The following CDH13 variants were observed in gnomAD, a reference collection of about 807,000 sequenced individuals.
CDH13 encodes the protein cadherin 13, also known as cadherin-13.
In CDH13, 24 loss-of-function variants were observed where a neutral mutation model predicts 63.8. The ratio of observed to expected loss-of-function variants is 0.38; its 90% CI spans 0.27 to 0.53. CDH13 has a LOEUF of 0.53. Ranked by LOEUF, CDH13 falls within the 20% of genes least tolerant of loss-of-function variation. CDH13 has a pLI of 0.85. For synonymous variants in CDH13, 503 were observed against 355.3 expected, an observed-to-expected ratio of 1.42 and a Z score of -4.67; for missense variants, 1,049 against 903.1, an observed-to-expected ratio of 1.16 and a Z score of -2.07.
At chr16:83,656,716 C>T (rs988835513) in intron 8 of CDH13, among the ~76,000 whole-genome samples, 1 of 152,202 alleles carries the variant, frequency 6.6e-6, no homozygotes, top group Non-Finnish European at 1.5e-5. Context: ...CACAGAGAAT[C>T]GTGGTCTTTG....
At chr16:83,276,191 C>T (rs1046255210) in intron 5 of CDH13, among the ~76,000 whole-genome samples, 1 of 152,100 alleles carries the variant, frequency 6.6e-6, no homozygotes, top group Non-Finnish European at 1.5e-5. Context: ...CCAATCACTC[C>T]AACTCTGAGA....
At chr16:83,433,502 T>C (rs2072192894) in intron 6 of CDH13, among the ~76,000 whole-genome samples, 1 of 152,222 alleles carries the variant, frequency 6.6e-6, no homozygotes, top group Non-Finnish European at 1.5e-5. Flanking sequence ...CATTGTTTCC[T>C]TGGTGCACCT....
rs557362150 is a variant in CDH13, at chr16:82,771,249, T to A, written c.46-87113T>A. 2.0e-5 allele frequency among the ~76,000 whole-genome samples: 3 copies of A among 152,334 alleles called. No homozygotes were observed. In the East Asian group the frequency reaches 5.8e-4, roughly 29 times the overall value. ...GGTGCTTTCCAGTTTTTTACAATGA[T>A]AAATAATACTTTGACTTATCAATTA... On this transcript the variant is annotated intron_variant, in intron 1 of 13. Transcript: ENST00000567109.
chr16:83,020,996 T>G (rs1234443830), intron 2 of CDH13, among the ~76,000 whole-genome samples: 1 of 152,250 alleles, frequency 6.6e-6, no homozygotes, highest in Admixed American at 6.5e-5. Flanking sequence ...AGAAGGAGAC[T>G]TTTACACATA....
At chr16:82,652,070 C>G (rs955275964) in intron 1 of CDH13, among the ~76,000 whole-genome samples, 1 of 152,244 alleles carries the variant, frequency 6.6e-6, no homozygotes, top group African/African-American at 2.4e-5. Context: ...TGCTGCCTTT[C>G]TCTGCCTACC....
At chr16:82,968,019 G>A (rs992173162) in intron 2 of CDH13, among the ~76,000 whole-genome samples, 7 of 152,234 alleles carry the variant, frequency 4.6e-5, no homozygotes, top group East Asian at 1.9e-4. Flanking sequence ...ACCAAATGGC[G>A]ATTCTCTAAT....
intron 1 of CDH13, chr16:82,829,198 A>G (rs2038407576): frequency 6.6e-6 from 1 of 152,256 alleles, no homozygotes; most frequent in Non-Finnish European, 1.5e-5. Context: ...AGGAGGCACA[A>G]GTCGAGGAGG....
chr16:83,655,155 T>C (rs1406299881), intron 8 of CDH13: 2 of 152,246 alleles, frequency 1.3e-5, no homozygotes, highest in African/African-American at 2.4e-5. Context: ...GCAAATCTTG[T>C]TGGCAAATCT....
chr16:83,312,554 A>G (rs1400469512), intron 5 of CDH13, among the ~76,000 whole-genome samples: 1 of 152,162 alleles, frequency 6.6e-6, no homozygotes, highest in Admixed American at 6.5e-5. Flanking sequence ...AGGTTGTATC[A>G]TAAGGCCACC....
At position 82,920,107 on chromosome 16, in the gene CDH13, G is replaced by A. The variant is rs190879659; in HGVS notation, c.157+61634G>A. On this transcript the variant is annotated intron_variant, in intron 2 of 13. Coordinates refer to ENST00000567109, the MANE Select transcript of CDH13 (RefSeq NM_001257.5). Reference sequence around the variant, plus strand: ...AGCAAAAGAACACTGCATGCCTCATGTATGCGAGAAGTCCATGAATAGGGC... The same window carrying A: ...AGCAAAAGAACACTGCATGCCTCATATATGCGAGAAGTCCATGAATAGGGC... 1.7e-4 allele frequency among the ~76,000 whole-genome samples: 26 copies of A among 152,306 alleles called. No individual in the cohort carries two copies. In the East Asian group the frequency reaches 3.5e-3, roughly 20 times the overall value.
At chr16:83,469,642 G>A (rs1000080346) in intron 6 of CDH13, among the ~76,000 whole-genome samples, 2 of 152,124 alleles carry the variant, frequency 1.3e-5, no homozygotes, top group African/African-American at 2.4e-5. Context: ...CTGTCTCCCA[G>A]CAAAATGTGG....
intron 2 of CDH13, among the ~76,000 whole-genome samples, chr16:82,898,378 A>C (rs1377583210): frequency 1.3e-5 from 2 of 152,146 alleles, no homozygotes; most frequent in African/African-American, 4.8e-5. Flanking sequence ...TACAAAAGTT[A>C]GCCGGGCATG....
chr16:82,658,224 A>G (rs1452175553), intron 1 of CDH13, among the ~76,000 whole-genome samples: 2 of 152,240 alleles, frequency 1.3e-5, no homozygotes, highest in African/African-American at 4.8e-5. Context: ...CTTAGCTCAC[A>G]AAAGTTGTGA....
chr16:82,719,606 C>G (rs1360026938), intron 1 of CDH13: 3 of 351,456 alleles, frequency 8.5e-6, no homozygotes, highest in African/African-American at 4.3e-5. Context: ...AGCACTTTGA[C>G]AAGCCAAGGT....
At chr16:83,175,676 CA>C (rs2038091625) in intron 4 of CDH13, among the ~76,000 whole-genome samples, 1 of 152,044 alleles carries the variant, frequency 6.6e-6, no homozygotes, top group Non-Finnish European at 1.5e-5. Flanking sequence ...AACAAACAAA[CA>C]AACACCGTCA....
chr16:83,499,400 C>G (rs1181365578), intron 7 of CDH13, among the ~76,000 whole-genome samples: 1 of 152,218 alleles, frequency 6.6e-6, no homozygotes, highest in Non-Finnish European at 1.5e-5. Flanking sequence ...AGTGCAGTGT[C>G]TGAGATGACC....
intron 2 of CDH13, among the ~76,000 whole-genome samples, chr16:82,893,954 C>T (rs1216802666): frequency 6.6e-6 from 1 of 152,184 alleles, no homozygotes; most frequent in African/African-American, 2.4e-5. Context: ...TTTTCCTGCT[C>T]TACTTTAATC....
chr16:83,276,733 T>C (rs2089001125), intron 5 of CDH13, among the ~76,000 whole-genome samples: 1 of 152,068 alleles, frequency 6.6e-6, no homozygotes, highest in Non-Finnish European at 1.5e-5. Flanking sequence ...TACCTTGGCA[T>C]GGTGACAGGC....
intron 1 of CDH13, among the ~76,000 whole-genome samples, chr16:82,725,765 G>A (rs1044427443): frequency 6.6e-6 from 1 of 152,134 alleles, no homozygotes; most frequent in African/African-American, 2.4e-5. Context: ...GGCTCTCTGA[G>A]AAATGTTCTT....
Sources: gnomAD v4.1 joint callset for allele counts (sites outside exome capture counted in the v4.1 genomes callset) on GRCh38, gnomAD v4.1.1 for gene constraint, MANE v1.5 for transcripts, NCBI Gene and HGNC (gene_info 2026-07-23, HGNC 2026-07-21) for gene names.